KCND2: variants seen among roughly 807,000 people sequenced by gnomAD.
KCND2 encodes potassium voltage-gated channel subfamily D member 2.
Under a neutral mutation model 54.4 loss-of-function variants are expected in KCND2, and 16 were observed. That is an observed-to-expected ratio of 0.29 (90% CI 0.20 to 0.45). The LOEUF is 0.45. Ranked by LOEUF, KCND2 falls within the 20% of genes least tolerant of loss-of-function variation. The pLI is 1.00. For synonymous variants in KCND2, 317 were observed against 310.7 expected (o/e 1.02, Z -0.21); for missense variants, 486 against 824.2 (o/e 0.59, Z 5.02).
At chr7:120,457,460 C>T (rs1802216728) in intron 1 of KCND2, among the ~76,000 whole-genome samples, 1 of 152,106 alleles carries the variant, frequency 6.6e-6, no homozygotes, top group Non-Finnish European at 1.5e-5. Context: ...TTCAAATTTC[C>T]ACATATCTCT....
chr7:120,640,196 A>G (rs1024252402), intron 1 of KCND2, among the ~76,000 whole-genome samples: 1 of 152,140 alleles, frequency 6.6e-6, no homozygotes, highest in Non-Finnish European at 1.5e-5. Flanking sequence ...TTTAGATGAT[A>G]TATATAAATA....
intron 1 of KCND2, among the ~76,000 whole-genome samples, chr7:120,566,736 T>C (rs1457777765): frequency 1.6e-5 from 2 of 123,768 alleles, no homozygotes; most frequent in African/African-American, 3.1e-5. Context: ...AATACAGATA[T>C]GTAATATATA....
chr7:120,351,406 A>ACACACACACT (rs1800402507), intron 1 of KCND2, among the ~76,000 whole-genome samples: 1 of 123,472 alleles, frequency 8.1e-6, no homozygotes, highest in African/African-American at 3.4e-5. Flanking sequence ...ACACACACAC[A>ACACACACACT]CACACACTCT....
intron 2 of KCND2, among the ~76,000 whole-genome samples, chr7:120,735,317 C>T (rs1042318849): frequency 2.0e-5 from 3 of 152,052 alleles, no homozygotes; most frequent in African/African-American, 4.8e-5. Context: ...ACATCACACT[C>T]ATGACGCTGC....
chr7:120,619,133 A>G (rs1177819660), intron 1 of KCND2, among the ~76,000 whole-genome samples: 2 of 152,234 alleles, frequency 1.3e-5, no homozygotes, highest in East Asian at 1.9e-4. Flanking sequence ...TGAATGAAGA[A>G]TGAAAATTAT....
At chr7:120,433,440 A>G (rs1352626472) in intron 1 of KCND2, among the ~76,000 whole-genome samples, 1 of 152,206 alleles carries the variant, frequency 6.6e-6, no homozygotes, top group African/African-American at 2.4e-5. Context: ...TCAGATGACT[A>G]TGATCTGGCC....
chr7:120,388,207 T>C (rs1801018744), intron 1 of KCND2, among the ~76,000 whole-genome samples: 1 of 152,092 alleles, frequency 6.6e-6, no homozygotes, highest in South Asian at 2.1e-4. Flanking sequence ...AAGGAACCTT[T>C]TTTTATATAA....
chr7:120,321,513 A>G (rs1799892700), intron 1 of KCND2, among the ~76,000 whole-genome samples: 1 of 152,126 alleles, frequency 6.6e-6, no homozygotes, highest in Admixed American at 6.6e-5. Context: ...ATATCAATAT[A>G]CTTTATTTAA....
intron 1 of KCND2, among the ~76,000 whole-genome samples, chr7:120,679,800 A>G (rs1170100253): frequency 6.6e-6 from 1 of 152,134 alleles, no homozygotes; most frequent in East Asian, 1.9e-4. Context: ...AGTCCATTTC[A>G]CAACTGAATT....
chr7:120,288,217 A>G (rs1799376879), intron 1 of KCND2, among the ~76,000 whole-genome samples: 1 of 152,152 alleles, frequency 6.6e-6, no homozygotes, highest in Admixed American at 6.6e-5. Context: ...GAATTAGATA[A>G]AAGCCTCTGA....
At chr7:120,351,652 G>A (rs185117210) in intron 1 of KCND2, among the ~76,000 whole-genome samples, 242 of 152,056 alleles carry the variant, frequency 1.6e-3, no homozygotes, top group Non-Finnish European at 2.9e-3. Flanking sequence ...GACCTGGTAG[G>A]CAGTTGCCTT....
intron 1 of KCND2, among the ~76,000 whole-genome samples, chr7:120,366,660 A>G (rs1191148929): frequency 9.9e-5 from 15 of 152,144 alleles, no homozygotes. Context: ...GGAACCCAAC[A>G]TGTGACAGAA....
At position 120,275,064 on chromosome 7, in the gene KCND2, C is replaced by T. The variant is rs150367628; in HGVS notation, c.432C>T (p.Asn144=). ...AGTACAAGGATCGCAGGCGAGAGAA[C>T]GCCGAGCGCCTGCAGGACGACGCGG... The part of the protein sequence containing the change: ...YEEYKDRRRE[N]AERLQDDADT... The change falls in exon 1 of 6, where the codon AAC becomes AAT. Residue 144 remains asparagine, a synonymous_variant. Transcript: ENST00000331113. 4.6e-4 allele frequency: 736 copies of T among 1,613,906 alleles called. 1 individual carries two copies. Among genetic ancestry groups the T allele is most frequent in the Non-Finnish European group, 5.6e-4 (659 of 1,179,996 alleles).
chr7:120,545,673 C>T (rs1408994260), intron 1 of KCND2, among the ~76,000 whole-genome samples: 1 of 151,572 alleles, frequency 6.6e-6, no homozygotes, highest in East Asian at 1.9e-4. Context: ...TTGCAGATAG[C>T]AGGTCAGCCA....
chr7:120,423,622 A>G lies in KCND2; in HGVS notation c.1115+147875A>G, dbSNP rs578220022. 3.9e-5 allele frequency among the ~76,000 whole-genome samples: 6 copies of G among 152,334 alleles called. No homozygotes were observed. The South Asian group carries it at 1.2e-3, about 32-fold the overall frequency. ...AATGCAAGAATCTACCCCATTTAAA[A>G]TGGGACACAGTTGAAACTGGACTAA... On this transcript the variant is annotated intron_variant, in intron 1 of 5. Transcript: ENST00000331113.
chr7:120,732,618 G>C (rs1792821506), intron 1 of KCND2, among the ~76,000 whole-genome samples: 2 of 151,982 alleles, frequency 1.3e-5, no homozygotes, highest in Non-Finnish European at 2.9e-5. Flanking sequence ...GGCATATAAA[G>C]GAAAAATTGA....
At chr7:120,309,212 C>G (rs1584723090) in intron 1 of KCND2, among the ~76,000 whole-genome samples, 1 of 152,042 alleles carries the variant, frequency 6.6e-6, no homozygotes, top group Non-Finnish European at 1.5e-5. Context: ...TGACTCACCT[C>G]TGCATCCACG....
At chr7:120,356,388 T>G (rs1800505688) in intron 1 of KCND2, among the ~76,000 whole-genome samples, 1 of 152,148 alleles carries the variant, frequency 6.6e-6, no homozygotes, top group African/African-American at 2.4e-5. Flanking sequence ...ATAGCAAATG[T>G]TAGGTTCTTT....
intron 1 of KCND2, among the ~76,000 whole-genome samples, chr7:120,715,729 C>G (rs1381749728): frequency 6.6e-6 from 1 of 152,074 alleles, no homozygotes; most frequent in Non-Finnish European, 1.5e-5. Context: ...AGTTCTACAT[C>G]CTTTTTAATT....
Sources: gnomAD v4.1 joint callset for allele counts (sites outside exome capture counted in the v4.1 genomes callset) on GRCh38, gnomAD v4.1.1 for gene constraint, MANE v1.5 for transcripts, NCBI Gene and HGNC (gene_info 2026-07-23, HGNC 2026-07-21) for gene names.